Variants in CORO2B observed in about 807,000 individuals in gnomAD.
CORO2B encodes coronin 2B, also known as coronin-2B.
In CORO2B, 26 loss-of-function variants were observed where a neutral mutation model predicts 58.8. The observed-to-expected ratio is 0.44, with a 90% CI of 0.32 to 0.61. CORO2B has a LOEUF of 0.61. Ranked by LOEUF, CORO2B falls within the 20% of genes least tolerant of loss-of-function variation. CORO2B has a pLI of 0.04. For synonymous variants in CORO2B, 242 were observed against 253.8 expected (o/e 0.95, Z 0.44); for missense variants, 460 against 645.1 (o/e 0.71, Z 3.11).
chr15:68,677,113 C>T (rs569745103), intron 2 of CORO2B, among the ~76,000 whole-genome samples: 81 of 152,270 alleles, frequency 5.3e-4, no homozygotes, highest in Admixed American at 2.0e-3. Flanking sequence ...CTGTGCTCCC[C>T]GCCAGGCCTG....
At chr15:68,650,472 C>T (rs1448422325) in intron 2 of CORO2B, among the ~76,000 whole-genome samples, 3 of 149,676 alleles carry the variant, frequency 2.0e-5, no homozygotes, top group Non-Finnish European at 3.0e-5. Flanking sequence ...CTTGGCTGGG[C>T]GTGATGGTGC....
intron 2 of CORO2B, among the ~76,000 whole-genome samples, chr15:68,680,365 A>C (rs78928017): frequency 0.041 from 6,286 of 152,268 alleles, 451 homozygotes; most frequent in African/African-American, 0.14. Flanking sequence ...AAGTGTGGAT[A>C]ATCTCTTGGG....
At chr15:68,536,198 C>T in the CORO2B span, among the ~76,000 whole-genome samples, 161 of 152,318 alleles carry the variant, frequency 1.1e-3, 3 homozygotes, top group Admixed American at 8.9e-3. Flanking sequence ...GCCTAGTCTA[C>T]AAGAAGTTCA....
At chr15:68,528,233 T>C in the CORO2B span, among the ~76,000 whole-genome samples, 2 of 152,182 alleles carry the variant, frequency 1.3e-5, no homozygotes, top group African/African-American at 4.8e-5. Flanking sequence ...GGAAACCATA[T>C]AGTCTTTAAC....
intron 1 of CORO2B, among the ~76,000 whole-genome samples, chr15:68,599,220 CT>C (rs1305658832): frequency 1.3e-5 from 2 of 152,218 alleles, no homozygotes; most frequent in Non-Finnish European, 2.9e-5. Context: ...ACAGAGCCTT[CT>C]CTGATCTCTC....
chr15:68,623,702 C>T (rs1266110042), intron 1 of CORO2B, among the ~76,000 whole-genome samples: 2 of 152,194 alleles, frequency 1.3e-5, no homozygotes, highest in African/African-American at 4.8e-5. Flanking sequence ...CTCCCAGGAG[C>T]AGCAGCAGCG....
chr15:68,591,704 C>T (rs2140233496), intron 1 of CORO2B, among the ~76,000 whole-genome samples: 1 of 152,282 alleles, frequency 6.6e-6, no homozygotes, highest in South Asian at 2.1e-4. Context: ...GTCACATATG[C>T]CCCACCCCAT....
chr15:68,546,214 T>C, the CORO2B span, among the ~76,000 whole-genome samples: 2 of 152,194 alleles, frequency 1.3e-5, no homozygotes, highest in African/African-American at 4.8e-5. Context: ...GATTGTAGTG[T>C]CCATTTTGCA....
chr15:68,519,032 C>T, the CORO2B span, among the ~76,000 whole-genome samples: 2 of 152,186 alleles, frequency 1.3e-5, no homozygotes, highest in Admixed American at 6.5e-5. Context: ...ATGCACGGCC[C>T]AGGACTGCCT....
chr15:68,714,676 G>T lies in CORO2B; in HGVS notation c.870+13G>T, dbSNP rs192166774. ...CCTGGCTGGAAAGGTAGTAGGAGGT[G>T]GGGGAGGGCCCGGGGCAGCCTGTGG... On this transcript the variant is annotated intron_variant, in intron 7 of 11. Coordinates refer to ENST00000261861, the MANE Select transcript of CORO2B (RefSeq NM_006091.5). The T allele has an allele frequency of 2.4e-4, 391 of 1,605,468 alleles. 1 individual carries two copies. The Middle Eastern group carries it at 5.1e-3, about 21-fold the overall frequency.
At chr15:68,557,460 G>T in the CORO2B span, among the ~76,000 whole-genome samples, 1 of 152,230 alleles carries the variant, frequency 6.6e-6, no homozygotes, top group Middle Eastern at 3.4e-3. Flanking sequence ...CAAGGTCAAG[G>T]TTCAGCGGCC....
chr15:68,717,548 G>A (rs12594757), intron 8 of CORO2B, among the ~76,000 whole-genome samples: 126,011 of 152,124 alleles, frequency 0.83, 55,352 homozygotes, highest in Non-Finnish European at 0.96. Context: ...AGCAGGAAGG[G>A]CTCAGAATGA....
intron 1 of CORO2B, among the ~76,000 whole-genome samples, chr15:68,629,819 CAT>C (rs1900778059): frequency 3.3e-5 from 5 of 151,764 alleles, no homozygotes; most frequent in South Asian, 2.1e-4. Context: ...TCTTAACCAG[CAT>C]GTGTGTGTGT....
Position 68,695,745 on chromosome 15 carries a change from C to T in CORO2B, c.333+489C>T, listed in dbSNP as rs554497813. Among the ~76,000 whole-genome samples the T allele has an allele frequency of 1.3e-3, 199 of 152,154 alleles. 2 individuals carry two copies. The highest frequency in any genetic ancestry group is 4.4e-3 in the African/African-American group (181 of 41,518). ...GCTGAGAGAAGTGTCCTGATTTTTC[C>T]AAGGACCCACACAGGTGACCCAAAA... On this transcript the variant is annotated intron_variant, in intron 3 of 11. Transcript: ENST00000261861.
At chr15:68,718,648 T>G in intron 8 of CORO2B, 50 bp from the exon 9 acceptor site, 4 of 1,478,868 alleles carry the variant, frequency 2.7e-6, no homozygotes, top group South Asian at 1.1e-5. Context: ...GTGATGTCAC[T>G]GAGACGCAGT....
chr15:68,570,057 C>G, the CORO2B span, among the ~76,000 whole-genome samples: 1 of 152,186 alleles, frequency 6.6e-6, no homozygotes. Context: ...GGGCAAGAGG[C>G]CTTACAGAGG....
At chr15:68,695,317 G>A (rs1394636237) in intron 3 of CORO2B, 61 bp downstream of exon 3, 4 of 1,229,704 alleles carry the variant, frequency 3.3e-6, no homozygotes, top group Non-Finnish European at 4.8e-6. Flanking sequence ...TTCCTTTGGA[G>A]GCCTCTCTTC....
At chr15:68,690,334 C>T (rs1257005643) in intron 2 of CORO2B, among the ~76,000 whole-genome samples, 1 of 152,190 alleles carries the variant, frequency 6.6e-6, no homozygotes, top group Admixed American at 6.5e-5. Flanking sequence ...CCCTGCATTT[C>T]CTACTCTGGT....
At chr15:68,640,596 G>A (rs774720058) in intron 1 of CORO2B, among the ~76,000 whole-genome samples, 1 of 152,010 alleles carries the variant, frequency 6.6e-6, no homozygotes, top group Non-Finnish European at 1.5e-5. Context: ...ATGAACCTAG[G>A]TTTCACTGAA....
Sources: gnomAD v4.1 joint callset for allele counts (sites outside exome capture counted in the v4.1 genomes callset) on GRCh38, gnomAD v4.1.1 for gene constraint, MANE v1.5 for transcripts, NCBI Gene and HGNC (gene_info 2026-07-23, HGNC 2026-07-21) for gene names.